The following NAALADL2 variants were observed in gnomAD, a reference collection of about 807,000 sequenced individuals.
The protein encoded by NAALADL2 is N-acetylated alpha-linked acidic dipeptidase like 2.
In NAALADL2, 76 loss-of-function variants were observed where a neutral mutation model predicts 87.2. The observed-to-expected ratio is 0.87, with a 90% CI of 0.72 to 1.05. NAALADL2 has a LOEUF of 1.05. Among genes scored for constraint, NAALADL2 ranks in the 50% least tolerant of loss-of-function variants. NAALADL2 has a pLI of 0.00. For synonymous variants in NAALADL2, 354 were observed against 331.0 expected (o/e 1.07, Z -0.75); for missense variants, 1,089 against 945.8 (o/e 1.15, Z -1.99).
chr3:175,399,715 G>A (rs1770306245), intron 5 of NAALADL2, among the ~76,000 whole-genome samples: 2 of 151,846 alleles, frequency 1.3e-5, no homozygotes, highest in South Asian at 2.1e-4. Context: ...TGTATCTTTT[G>A]CCGACCTCCT....
chr3:175,459,717 AT>A (rs1402134151), intron 6 of NAALADL2, among the ~76,000 whole-genome samples: 1 of 152,082 alleles, frequency 6.6e-6, no homozygotes, highest in African/African-American at 2.4e-5. Flanking sequence ...ATCCCTGGGG[AT>A]TTGGAGGAGG....
At chr3:174,742,304 A>T (rs989918716) in intron 3 of NAALADL2, among the ~76,000 whole-genome samples, 15 of 151,696 alleles carry the variant, frequency 9.9e-5, no homozygotes, top group Admixed American at 9.2e-4. Flanking sequence ...ATACAAAAAC[A>T]TTACAATACA....
At chr3:174,893,184 G>A (rs1037555208) in intron 1 of NAALADL2, among the ~76,000 whole-genome samples, 50 of 152,038 alleles carry the variant, frequency 3.3e-4, no homozygotes, top group African/African-American at 1.2e-3. Flanking sequence ...TTTTAAACTA[G>A]AGTAGTATAT....
At chr3:175,691,270 T>C (rs146722132) in intron 11 of NAALADL2, among the ~76,000 whole-genome samples, 27 of 150,932 alleles carry the variant, frequency 1.8e-4, no homozygotes, top group Non-Finnish European at 3.0e-4. Context: ...TATATATATA[T>C]ACACACAGAT....
At chr3:175,737,514 C>T in intron 12 of NAALADL2, 115 bp downstream of exon 12, 1 of 663,962 alleles carries the variant, frequency 1.5e-6, no homozygotes, top group Non-Finnish European at 2.6e-6. Flanking sequence ...TGCTGTGCTT[C>T]CTGGAGAGGC....
intron 5 of NAALADL2, among the ~76,000 whole-genome samples, chr3:175,360,940 A>C (rs1175045196): frequency 6.6e-6 from 1 of 151,634 alleles, no homozygotes; most frequent in Non-Finnish European, 1.5e-5. Context: ...AAATATGTAT[A>C]CATGTGCCAT....
At chr3:174,672,367 CT>C (rs1382326140) in intron 2 of NAALADL2, among the ~76,000 whole-genome samples, 1 of 152,034 alleles carries the variant, frequency 6.6e-6, no homozygotes, top group Non-Finnish European at 1.5e-5. Context: ...GAAAATTGTA[CT>C]GATCTAATCA....
At chr3:175,348,247 C>A (rs1211868973) in intron 5 of NAALADL2, among the ~76,000 whole-genome samples, 1 of 152,044 alleles carries the variant, frequency 6.6e-6, no homozygotes, top group African/African-American at 2.4e-5. Flanking sequence ...GTCGGGGTTT[C>A]TCCATGTTGG....
In NAALADL2 at chr3:175,667,241, A is replaced by AAGAAAGAG. The variant is rs1182682303; in HGVS notation, c.1896+39856_1896+39857insGAAAGAGA. On this transcript the variant is annotated intron_variant, in intron 11 of 13. Coordinates refer to ENST00000454872, the MANE Select transcript of NAALADL2 (RefSeq NM_207015.3). The stretch of plus-strand genomic sequence containing the variant: ...AAAGAAAGAAAGAAAGAAAGAAAGA[A>AAGAAAGAG]AAAGAAAGAAAGAAAGAAAGAAAGG... Among the ~76,000 whole-genome samples, 275 of 91,776 alleles carry AAGAAAGAG rather than the reference A, an allele frequency of 3.0e-3. 1 individual carries two copies. The highest frequency in any genetic ancestry group is 0.012 in the Middle Eastern group (2 of 162). The allele number at this position is 91,776 out of a possible 152,430, so 60.2% of individuals were successfully genotyped here.
At chr3:175,591,373 T>G (rs946429308) in intron 10 of NAALADL2, among the ~76,000 whole-genome samples, 2 of 152,188 alleles carry the variant, frequency 1.3e-5, no homozygotes, top group African/African-American at 4.8e-5. Flanking sequence ...GTTCAACTAG[T>G]TTATGTTTCT....
intron 1 of NAALADL2, among the ~76,000 whole-genome samples, chr3:174,878,999 C>T (rs1441394119): frequency 2.6e-5 from 4 of 152,014 alleles, no homozygotes; most frequent in Admixed American, 6.6e-5. Flanking sequence ...ATTTAGCTAA[C>T]GTTATTTTGT....
chr3:174,988,076 T>C (rs1387773105), intron 1 of NAALADL2, among the ~76,000 whole-genome samples: 1 of 152,098 alleles, frequency 6.6e-6, no homozygotes, highest in Non-Finnish European at 1.5e-5. Context: ...GTTCAAGTTA[T>C]GTGATCTCCG....
chr3:175,096,472 C>A, intron 1 of NAALADL2, among the ~76,000 whole-genome samples: 1 of 149,626 alleles, frequency 6.7e-6, no homozygotes, highest in Non-Finnish European at 1.5e-5. Flanking sequence ...TGTTATTCTC[C>A]TGAGCTTCAA....
intron 2 of NAALADL2, among the ~76,000 whole-genome samples, chr3:175,124,987 A>C (rs9850494): frequency 8.6e-5 from 13 of 151,524 alleles, no homozygotes; most frequent in African/African-American, 3.1e-4. Context: ...CATGGGTGAA[A>C]TGAGTCAGAA....
chr3:174,846,821 T>C (rs1242421253), intron 3 of NAALADL2, among the ~76,000 whole-genome samples: 1 of 152,066 alleles, frequency 6.6e-6, no homozygotes, highest in Non-Finnish European at 1.5e-5. Context: ...ATTGAACGTA[T>C]GTGAGCATGG....
chr3:175,718,909 C>T (rs1185549162), intron 11 of NAALADL2, among the ~76,000 whole-genome samples: 2 of 152,008 alleles, frequency 1.3e-5, no homozygotes, highest in African/African-American at 4.8e-5. Flanking sequence ...CAACAAAAAA[C>T]AAGGATAATG....
chr3:174,857,322 A>C (rs1256367991), upstream of NAALADL2, among the ~76,000 whole-genome samples: 1 of 152,172 alleles, frequency 6.6e-6, no homozygotes, highest in Non-Finnish European at 1.5e-5. Context: ...TTTCTACTCA[A>C]TCAGTATTTA....
chr3:175,623,749 A>G lies in NAALADL2; in HGVS notation c.1801-3542A>G, dbSNP rs114537592. On this transcript the variant is annotated intron_variant, in intron 10 of 13. Transcript: ENST00000454872. Reference sequence around the variant, plus strand: ...AAGGAATCTCATAAAGCCTCAGGGAATGAATAGAGGGGTGCAGAGCCATAG... The same window carrying G: ...AAGGAATCTCATAAAGCCTCAGGGAGTGAATAGAGGGGTGCAGAGCCATAG... Among the ~76,000 whole-genome samples the G allele has an allele frequency of 4.4e-3, 668 of 152,136 alleles. 3 individuals are homozygous for G. The highest frequency in any genetic ancestry group is 0.015 in the African/African-American group (631 of 41,548).
intron 5 of NAALADL2, among the ~76,000 whole-genome samples, chr3:175,372,255 C>T (rs1310036361): frequency 6.6e-6 from 1 of 152,154 alleles, no homozygotes; most frequent in Non-Finnish European, 1.5e-5. Flanking sequence ...TCATACTGAC[C>T]TAATACCTAG....
Sources: allele counts gnomAD v4.1 joint callset (sites outside exome capture counted in the v4.1 genomes callset), GRCh38; gene constraint gnomAD v4.1.1; transcripts MANE v1.5; gene names NCBI Gene and HGNC (gene_info 2026-07-23, HGNC 2026-07-21).